STIM1: variants seen among roughly 807,000 people sequenced by gnomAD.
The protein encoded by STIM1 is stromal interaction molecule 1.
Under a neutral mutation model 74.7 loss-of-function variants are expected in STIM1, and 25 were observed. The observed-to-expected ratio is 0.33, with a 90% CI of 0.24 to 0.47. The LOEUF (loss-of-function observed/expected upper bound fraction) is 0.47, where lower values mean the gene tolerates loss of function less well. STIM1 is among the 20% of genes least tolerant of loss of function. STIM1 has a pLI of 1.00. For missense variants in STIM1, 728 were observed against 920.8 expected (o/e 0.79, Z 2.71); for synonymous variants, 328 against 348.8 (o/e 0.94, Z 0.66).
intron 2 of STIM1, among the ~76,000 whole-genome samples, chr11:3,973,675 G>T (rs1194864479): frequency 2.0e-5 from 3 of 152,006 alleles, no homozygotes; most frequent in African/African-American, 7.3e-5. Context: ...AGAATTACAG[G>T]CATGAGCCAC....
At chr11:3,992,463 G>C (rs1272583990) in intron 2 of STIM1, among the ~76,000 whole-genome samples, 1 of 152,042 alleles carries the variant, frequency 6.6e-6, no homozygotes, top group South Asian at 2.1e-4. Flanking sequence ...TTTAAATTGG[G>C]TTGTCTTTTT....
At chr11:3,933,874 T>C (rs948107570) in intron 1 of STIM1, among the ~76,000 whole-genome samples, 1 of 152,188 alleles carries the variant, frequency 6.6e-6, no homozygotes, top group Non-Finnish European at 1.5e-5. Flanking sequence ...AGAAATGAGT[T>C]TGAATGAAAA....
intron 2 of STIM1, among the ~76,000 whole-genome samples, chr11:3,996,860 TCATAGTGCATTTTCTC>T (rs1268908065): frequency 6.6e-6 from 1 of 152,224 alleles, no homozygotes; most frequent in Non-Finnish European, 1.5e-5. Context: ...CTGTTCTTTC[TCATAGTGCATTTTCTC>T]CAGTGCTATG....
intron 1 of STIM1, among the ~76,000 whole-genome samples, chr11:3,864,975 GC>G (rs2135232793): frequency 6.6e-6 from 1 of 152,186 alleles, no homozygotes; most frequent in South Asian, 2.1e-4. Flanking sequence ...TTAGAAACTA[GC>G]TTTTTATCCT....
chr11:4,010,258 C>T (rs1357668558), intron 2 of STIM1, among the ~76,000 whole-genome samples: 1 of 151,486 alleles, frequency 6.6e-6, no homozygotes, highest in Admixed American at 6.6e-5. Context: ...ACAACCTCCG[C>T]CTTCCAGGTT....
chr11:4,030,250 A>T (rs149224930), intron 3 of STIM1, among the ~76,000 whole-genome samples: 1 of 151,530 alleles, frequency 6.6e-6, no homozygotes, highest in South Asian at 2.1e-4. Context: ...AATTGTTTGA[A>T]CCCAGGGTAT....
chr11:4,087,095 A>T (rs2094498458), intron 12 of STIM1, among the ~76,000 whole-genome samples: 1 of 151,946 alleles, frequency 6.6e-6, no homozygotes, highest in South Asian at 2.1e-4. Context: ...TTCCCTCATG[A>T]CCCTATAGCA....
intron 1 of STIM1, among the ~76,000 whole-genome samples, chr11:3,965,053 A>G (rs2093326819): frequency 6.6e-6 from 1 of 152,220 alleles, no homozygotes; most frequent in Non-Finnish European, 1.5e-5. Flanking sequence ...GGTCAATCCA[A>G]TATGATTTAG....
chr11:3,880,735 C>T (rs2091469634), intron 1 of STIM1, among the ~76,000 whole-genome samples: 1 of 152,214 alleles, frequency 6.6e-6, no homozygotes, highest in African/African-American at 2.4e-5. Flanking sequence ...GTCACCCAGC[C>T]TCTAGCTCTC....
chr11:3,856,483 G>A, intron 1 of STIM1, 74 bp downstream of exon 1: 1 of 1,550,418 alleles, frequency 6.4e-7, no homozygotes, highest in African/African-American at 1.4e-5. Flanking sequence ...TGGGCAAGTT[G>A]AAATCTAGGT....
intron 3 of STIM1, among the ~76,000 whole-genome samples, chr11:4,029,996 T>C (rs1460135101): frequency 6.6e-6 from 1 of 152,144 alleles, no homozygotes; most frequent in African/African-American, 2.4e-5. Context: ...TGACATTAAT[T>C]GAGGACTTAC....
intron 3 of STIM1, among the ~76,000 whole-genome samples, chr11:4,032,837 T>C (rs563160845): frequency 6.6e-6 from 1 of 152,332 alleles, no homozygotes; most frequent in African/African-American, 2.4e-5. Flanking sequence ...ACTATGTAAA[T>C]GGTATTTTAA....
intron 1 of STIM1, among the ~76,000 whole-genome samples, chr11:3,953,780 C>CTT (rs201952182): frequency 0.22 from 28,330 of 130,554 alleles, 4,329 homozygotes; most frequent in South Asian, 0.42. Context: ...TGATCTTCTT[C>CTT]TTTCTTTTTT....
At chr11:4,042,511 C>G (rs1047030644) in intron 3 of STIM1, among the ~76,000 whole-genome samples, 14 of 152,140 alleles carry the variant, frequency 9.2e-5, no homozygotes, top group Non-Finnish European at 2.9e-5. Context: ...ATCTTTACTC[C>G]TAGAGTGGTG....
At chr11:4,012,437 C>G (rs550742917) in intron 2 of STIM1, among the ~76,000 whole-genome samples, 1 of 152,156 alleles carries the variant, frequency 6.6e-6, no homozygotes, top group Admixed American at 6.5e-5. Flanking sequence ...AGAGGTCCTT[C>G]ACATCCCTTG....
chr11:4,041,366 A>T (rs1590667960), intron 3 of STIM1, among the ~76,000 whole-genome samples: 1 of 152,166 alleles, frequency 6.6e-6, no homozygotes, highest in Admixed American at 6.5e-5. Context: ...AGCCAATAAA[A>T]GCTTAGTGAA....
chr11:3,898,334 G>A lies in STIM1; in HGVS notation c.139+41925G>A, dbSNP rs868394126. On this transcript the variant is annotated intron_variant, in intron 1 of 12. Transcript: ENST00000526596. ...CTTCTTTTGAGAAGTGTCTGTTCAT[G>A]TCCTTTGCCCACTTTTTGATGGGGG... Among the ~76,000 whole-genome samples the A allele has an allele frequency of 4.3e-4, 25 of 58,438 alleles. No homozygotes were observed. The East Asian group carries it at 9.6e-3, about 22-fold the overall frequency. 38.3% of individuals were successfully genotyped at this position (58,438 alleles called of 152,430 possible).
intron 2 of STIM1, among the ~76,000 whole-genome samples, chr11:4,018,246 G>A (rs1235691290): frequency 6.6e-6 from 1 of 150,736 alleles, no homozygotes; most frequent in Non-Finnish European, 1.5e-5. Context: ...TCAGGAGATC[G>A]AGACCATCCT....
chr11:3,934,944 G>C (rs2092914879), intron 1 of STIM1, among the ~76,000 whole-genome samples: 1 of 152,232 alleles, frequency 6.6e-6, no homozygotes, highest in Non-Finnish European at 1.5e-5. Flanking sequence ...TCCTTGGTTT[G>C]CAGGTTTGGC....
Sources: gnomAD v4.1 joint callset for allele counts (sites outside exome capture counted in the v4.1 genomes callset) on GRCh38, gnomAD v4.1.1 for gene constraint, MANE v1.5 for transcripts, NCBI Gene and HGNC (gene_info 2026-07-23, HGNC 2026-07-21) for gene names.